The following BLACAT1 variants were observed in gnomAD, a reference collection of about 807,000 sequenced individuals.
BLACAT1 encodes the protein bladder cancer associated transcript 1.
In BLACAT1 at chr1:205,450,993, G is replaced by T. The variant is rs1424684846; in HGVS notation, c.-37+4924C>A. 6.6e-6 allele frequency among the ~76,000 whole-genome samples: 1 copy of T among 152,174 alleles called. No homozygotes were observed. The highest frequency in any genetic ancestry group is 1.5e-5 in the Non-Finnish European group (1 of 68,026). On this transcript the variant is annotated intron_variant, in intron 1 of 1. Coordinates refer to ENST00000629624, the Ensembl canonical transcript of BLACAT1. The surrounding 1 kb of genome is among the most constrained non-coding windows in gnomAD (Gnocchi z 4.4). ...CTCCTCAAGATGGGGCCATGCCCAC[G>T]ATTCCTGTCTCCTCTGGGGCCACCA...
At chr1:205,439,767 T>C (rs114738344), downstream of BLACAT1, among the ~76,000 whole-genome samples, 3,911 of 152,304 alleles carry the variant, frequency 0.026, 71 homozygotes, top group Middle Eastern at 0.058. Context: ...TCTCTGCTGC[T>C]GGCATTCGTC....
At chr1:205,454,091 G>A (rs1558748428) in intron 1 of BLACAT1, among the ~76,000 whole-genome samples, 1 of 152,118 alleles carries the variant, frequency 6.6e-6, no homozygotes, top group Admixed American at 6.5e-5. Context: ...ATGAAGGGTG[G>A]GGAGAATGGC....
chr1:205,444,499 ATC>A (rs151047735), intron 1 of BLACAT1, among the ~76,000 whole-genome samples: 13,633 of 151,878 alleles, frequency 0.09, 1,066 homozygotes, highest in African/African-American at 0.2. Flanking sequence ...TGACCCCCAC[ATC>A]TCTCTGTGCC....
intron 1 of BLACAT1, among the ~76,000 whole-genome samples, chr1:205,449,693 T>C (rs1444167635): frequency 6.6e-6 from 1 of 152,078 alleles, no homozygotes; most frequent in African/African-American, 2.4e-5. Flanking sequence ...CACCTGAACT[T>C]TGGGCCATCT....
intron 1 of BLACAT1, among the ~76,000 whole-genome samples, chr1:205,451,343 C>T (rs560958469): frequency 7.7e-4 from 117 of 152,350 alleles, no homozygotes; most frequent in African/African-American, 2.7e-3. Context: ...GTTTCCACCC[C>T]TCCCTAGCCC....
chr1:205,440,072 G>A (rs958884535), exon 2 of BLACAT1, among the ~76,000 whole-genome samples: 4 of 152,088 alleles, frequency 2.6e-5, no homozygotes, highest in African/African-American at 9.7e-5. Context: ...GGCTTCTGAG[G>A]AGAGAAGAAA....
chr1:205,443,148 A>G (rs1034627418), intron 1 of BLACAT1, among the ~76,000 whole-genome samples: 2 of 152,188 alleles, frequency 1.3e-5, no homozygotes, highest in Admixed American at 6.5e-5. Flanking sequence ...AAGCAGTCCC[A>G]TGATTATTGA....
chr1:205,453,171 G>A (rs939718343), intron 1 of BLACAT1, among the ~76,000 whole-genome samples: 1 of 152,200 alleles, frequency 6.6e-6, no homozygotes, highest in African/African-American at 2.4e-5. Context: ...ATTCGGAGTT[G>A]TGGTTGAGAC....
intron 1 of BLACAT1, among the ~76,000 whole-genome samples, chr1:205,442,601 T>C (rs1575009050): frequency 2.0e-5 from 3 of 152,214 alleles, no homozygotes; most frequent in Admixed American, 2.0e-4. Context: ...CTGTAATTAA[T>C]AGGTGCAATG....
rs373343652 is a variant in BLACAT1 at position 205,443,496 on chromosome 1, A to G, written c.-36-2434T>C. Among the ~76,000 whole-genome samples the G allele has an allele frequency of 2.0e-5, 3 of 152,232 alleles. No individual in the cohort carries two copies. In the East Asian group the frequency reaches 5.8e-4, roughly 29 times the overall value. Reference sequence around the variant, plus strand: ...GGAACCAGAACCTACACATCAGAGGAAAGGAGAGCTAATGAAGCTGGCCAG... The same window carrying G: ...GGAACCAGAACCTACACATCAGAGGGAAGGAGAGCTAATGAAGCTGGCCAG... On this transcript the variant is annotated intron_variant, in intron 1 of 1. Transcript: ENST00000629624.
intron 1 of BLACAT1, among the ~76,000 whole-genome samples, chr1:205,443,602 A>T (rs949599422): frequency 2.0e-5 from 3 of 152,126 alleles, no homozygotes; most frequent in Admixed American, 2.0e-4. Flanking sequence ...GGGTCCTTGT[A>T]TCTAAGAGTA....
downstream of BLACAT1, chr1:205,435,854 C>G (rs954154575): frequency 2.0e-5 from 3 of 152,148 alleles, no homozygotes; most frequent in Non-Finnish European, 4.4e-5. Context: ...AGAGACAAAC[C>G]CCTGTTAAAC....
At chr1:205,443,854 C>T (rs1666338220) in intron 1 of BLACAT1, among the ~76,000 whole-genome samples, 1 of 152,176 alleles carries the variant, frequency 6.6e-6, no homozygotes, top group Admixed American at 6.5e-5. Context: ...CCGCTGTGAA[C>T]CCCACTCCTC....
intron 1 of BLACAT1, among the ~76,000 whole-genome samples, chr1:205,443,496 AAAG>A (rs1558744404): frequency 2.0e-5 from 3 of 152,114 alleles, no homozygotes; most frequent in Non-Finnish European, 4.4e-5. Context: ...ACATCAGAGG[AAAG>A]GAGAGCTAAT....
At chr1:205,453,309 C>G (rs181626999) in intron 1 of BLACAT1, among the ~76,000 whole-genome samples, 1 of 152,150 alleles carries the variant, frequency 6.6e-6, no homozygotes, top group Non-Finnish European at 1.5e-5. Flanking sequence ...GTGCTTGCTA[C>G]GGAGAAAGGC....
chr1:205,454,123 T>A (rs535135233), intron 1 of BLACAT1, among the ~76,000 whole-genome samples: 1 of 152,094 alleles, frequency 6.6e-6, no homozygotes, highest in Non-Finnish European at 1.5e-5. Flanking sequence ...CACTCATTTA[T>A]CAAATATGCA....
At chr1:205,445,479 T>C (rs778971369) in intron 1 of BLACAT1, among the ~76,000 whole-genome samples, 1 of 152,262 alleles carries the variant, frequency 6.6e-6, no homozygotes, top group Admixed American at 6.5e-5. Context: ...CCGAGCTCTC[T>C]GGAATCACAG....
chr1:205,445,533 T>G (rs886537106), intron 1 of BLACAT1, among the ~76,000 whole-genome samples: 6 of 152,234 alleles, frequency 3.9e-5, no homozygotes, highest in Admixed American at 6.5e-5. Flanking sequence ...CCACAGACCC[T>G]AGCTTGCCAG....
downstream of BLACAT1, among the ~76,000 whole-genome samples, chr1:205,438,570 T>C (rs921049020): frequency 6.6e-6 from 1 of 152,192 alleles, no homozygotes; most frequent in African/African-American, 2.4e-5. Context: ...CCCATTTTCC[T>C]GAGAAGGAAA....
Sources: allele counts gnomAD v4.1 joint callset (sites outside exome capture counted in the v4.1 genomes callset), GRCh38; gene constraint gnomAD v4.1.1; non-coding constraint Gnocchi (gnomAD v3.1); transcripts MANE v1.5; gene names NCBI Gene and HGNC (gene_info 2026-07-23, HGNC 2026-07-21).